DCAF13: variants seen among roughly 807,000 people sequenced by gnomAD.
The protein encoded by DCAF13 is DDB1 and CUL4 associated factor 13, also known as DDB1- and CUL4-associated factor 13.
In DCAF13, 38 loss-of-function variants were observed where a neutral mutation model predicts 59.0. The observed-to-expected ratio is 0.64, with a 90% confidence interval of 0.50 to 0.84. DCAF13 has a LOEUF of 0.84. Among genes scored for constraint, DCAF13 ranks in the 40% least tolerant of loss-of-function variants. The pLI is 0.00. For synonymous variants in DCAF13, 173 were observed against 175.0 expected (o/e 0.99, Z 0.09); for missense variants, 469 against 558.4 (o/e 0.84, Z 1.61).
Position 103,420,278 on chromosome 8 carries a change from G to A in DCAF13, c.85G>A (p.Asp29Asn). Residue 29 changes from aspartate to asparagine, a missense_variant, in exon 2 of 11, where the codon GAT becomes AAT. Around this residue, in one of 3 missense-constraint regions of DCAF13, gnomAD observed 355 missense variants for 399.1 expected, o/e 0.89. Transcript: ENST00000612750. The part of the protein sequence containing the change: ...LDLQRVPRNY[D>N]PALHPFEVPR... ...TCTTATTTCAGTTCCAAGAAACTAT[G>A]ATCCTGCTTTACATCCTTTTGAGGT... 6.2e-7 allele frequency: 1 copy of A among 1,613,678 alleles called. No homozygotes were observed. Among genetic ancestry groups the A allele is most frequent in the Non-Finnish European group, 8.5e-7 (1 of 1,179,852 alleles).
intron 8 of DCAF13, among the ~76,000 whole-genome samples, chr8:103,438,455 C>G (rs1480261325): frequency 6.8e-6 from 1 of 147,314 alleles, no homozygotes; most frequent in Non-Finnish European, 1.5e-5. Context: ...GAGTCTGGCT[C>G]TGTCAGCCAG....
At chr8:103,432,981 T>C (rs564818661) in intron 7 of DCAF13, among the ~76,000 whole-genome samples, 1 of 152,258 alleles carries the variant, frequency 6.6e-6, no homozygotes, top group African/African-American at 2.4e-5. Context: ...CCAAATCCTT[T>C]CTGTTGCCTG....
intron 9 of DCAF13, 126 bp downstream of exon 9, chr8:103,440,397 A>G (rs1586135652): frequency 1.8e-6 from 1 of 566,634 alleles, no homozygotes; most frequent in Non-Finnish European, 2.5e-6. Context: ...CTGTGATAAA[A>G]AAAGCAATAA....
chr8:103,441,637 G>T lies in DCAF13; in HGVS notation c.1250+19G>T. On this transcript the variant is annotated intron_variant, in intron 10 of 10. Transcript: ENST00000612750. ...GACGAAAGTATGTTTTGAGGCATTT[G>T]ACTCTATTACCCTTTTCTGACTTCT... is the stretch of plus-strand genomic sequence containing the variant. The T allele has an allele frequency of 6.2e-7, 1 of 1,608,114 alleles. No homozygotes were observed. Among genetic ancestry groups the T allele is most frequent in the South Asian group, 1.1e-5 (1 of 89,456 alleles).
intron 9 of DCAF13, chr8:103,440,800 T>C (rs1817000389): frequency 6.6e-6 from 1 of 152,214 alleles, no homozygotes; most frequent in South Asian, 2.1e-4. Flanking sequence ...TATGGTTGAT[T>C]TTGTTTTGTT....
chr8:103,418,876 T>A (rs1254987011), intron 1 of DCAF13, among the ~76,000 whole-genome samples: 944 of 43,340 alleles, frequency 0.022, 42 homozygotes, highest in East Asian at 0.19. Context: ...ATTTTTTTTT[T>A]TTTTTTTTTT....
chr8:103,420,481 T>C lies in DCAF13; in HGVS notation c.270+18T>C. ...ATGGAGAGGCAAGTGTCAATCTAGATGATATTTTCAACTAAAAGTAGTTAT... is the reference window on the plus strand; with the variant it reads ...ATGGAGAGGCAAGTGTCAATCTAGACGATATTTTCAACTAAAAGTAGTTAT... On this transcript the variant is annotated intron_variant, in intron 2 of 10. Coordinates refer to ENST00000612750, the MANE Select transcript of DCAF13 (RefSeq NM_015420.7). 2 of 1,589,496 alleles carry C rather than the reference T, an allele frequency of 1.3e-6. No homozygotes were observed. Among genetic ancestry groups the C allele is most frequent in the Non-Finnish European group, 1.7e-6 (2 of 1,160,088 alleles).
chr8:103,420,505 A>G (rs1385559450), intron 2 of DCAF13, 42 bp downstream of exon 2: 1 of 1,565,912 alleles, frequency 6.4e-7, no homozygotes, highest in Non-Finnish European at 8.7e-7. Flanking sequence ...AAAAGTAGTT[A>G]TATTACAAAT....
At chr8:103,434,210 C>T (rs533417669) in intron 7 of DCAF13, among the ~76,000 whole-genome samples, 5 of 152,060 alleles carry the variant, frequency 3.3e-5, no homozygotes, top group South Asian at 4.2e-4. Flanking sequence ...AAGTCTAGGC[C>T]GACCAGTAAT....
At chr8:103,439,925 A>G (rs184598025) in intron 8 of DCAF13, 99 of 330,570 alleles carry the variant, frequency 3.0e-4, no homozygotes, top group African/African-American at 2.0e-3. Context: ...CTAGATAGTA[A>G]GTTCTCTGAG....
chr8:103,424,420 T>G (rs2130480778), intron 3 of DCAF13, among the ~76,000 whole-genome samples: 1 of 152,350 alleles, frequency 6.6e-6, no homozygotes, highest in South Asian at 2.1e-4. Flanking sequence ...TTTTAAAAAT[T>G]TTAGTACACA....
chr8:103,417,076 C>T (rs1816630388), intron 1 of DCAF13, among the ~76,000 whole-genome samples: 1 of 152,172 alleles, frequency 6.6e-6, no homozygotes, highest in Non-Finnish European at 1.5e-5. Context: ...GAAGTACAGG[C>T]ATTCTGCACT....
At chr8:103,415,710 C>T (rs570224632) in intron 1 of DCAF13, among the ~76,000 whole-genome samples, 194 bp downstream of exon 1, 1 of 152,158 alleles carries the variant, frequency 6.6e-6, no homozygotes, top group Admixed American at 6.5e-5. Flanking sequence ...CTGTTCAAGT[C>T]CTTTTTCTAA....
intron 7 of DCAF13, among the ~76,000 whole-genome samples, chr8:103,434,200 A>C (rs1195613370): frequency 6.6e-6 from 1 of 152,058 alleles, no homozygotes; most frequent in Non-Finnish European, 1.5e-5. Flanking sequence ...ACCTAAGTTC[A>C]AGTCTAGGCC....
chr8:103,419,706 G>A (rs754719287), intron 1 of DCAF13, among the ~76,000 whole-genome samples: 5 of 152,046 alleles, frequency 3.3e-5, no homozygotes, highest in Non-Finnish European at 7.4e-5. Flanking sequence ...AGTTGAAGAG[G>A]GTACTAGGAC....
At chr8:103,437,757 G>T (rs919728326) in intron 8 of DCAF13, among the ~76,000 whole-genome samples, 3 of 151,936 alleles carry the variant, frequency 2.0e-5, no homozygotes, top group African/African-American at 7.3e-5. Flanking sequence ...TCCTTTAAAA[G>T]ACCTTAAAAT....
Position 103,415,488 on chromosome 8 carries a change from C to G in DCAF13, c.42C>G (p.Val14=). ...KMLSRNPDNY[V]RETKLDLQRV... ...TGAGCCGGAATCCGGACAATTATGT[C>G]CGCGAAACCAAGTTGGACTTACAGA... The change falls in exon 1 of 11, where the codon GTC becomes GTG. Residue 14 remains valine (V), a synonymous_variant. Coordinates refer to ENST00000612750, the MANE Select transcript of DCAF13 (RefSeq NM_015420.7). The G allele has an allele frequency of 6.2e-7, 1 of 1,612,644 alleles. No individual in the cohort carries two copies.
chr8:103,441,502 G>C lies in DCAF13; in HGVS notation c.1134G>C (p.Lys378Asn), dbSNP rs895886402. The C allele has an allele frequency of 4.4e-6, 7 of 1,599,414 alleles. No individual in the cohort carries two copies. The African/African-American group carries it at 9.5e-5, about 22-fold the overall frequency. ...KAAKDYNQKL[K>N]EKFQHYPHIK... is the part of the protein sequence containing the mutation. The stretch of plus-strand genomic sequence containing the variant: ...CCAAGGATTATAACCAGAAATTGAA[G>C]GAGAAATTTCAGCATTATCCTCATA... Residue 378 changes from lysine (K) to asparagine (N), a missense_variant, in exon 10 of 11, where the codon AAG becomes AAC. Physicochemically the swap from Lys to Asn is moderately conservative, Grantham distance 94 (BLOSUM62 0). This residue lies in a region of DCAF13 where 84 missense variants were observed against 92.3 expected (regional missense o/e 0.91). Transcript: ENST00000612750.
At chr8:103,440,594 C>T (rs1245611695) in intron 9 of DCAF13, 1 of 167,622 alleles carries the variant, frequency 6.0e-6, no homozygotes, top group African/African-American at 2.4e-5. Flanking sequence ...ACTAGAGGCT[C>T]AGAACTTAGA....
Sources: gnomAD v4.1 joint callset for allele counts (sites outside exome capture counted in the v4.1 genomes callset) on GRCh38, gnomAD v4.1.1 for gene constraint, gnomAD v4.1.1 regional missense constraint, MANE v1.5 for transcripts, NCBI Gene and HGNC (gene_info 2026-07-23, HGNC 2026-07-21) for gene names.